HTR4: variants seen among roughly 807,000 people sequenced by gnomAD.
HTR4 encodes the protein 5-hydroxytryptamine (serotonin) receptor 4, G protein-coupled.
HTR4 carries 16 observed loss-of-function variants against 36.8 expected under a neutral mutation model. The ratio of observed to expected loss-of-function variants is 0.43; its 90% CI spans 0.29 to 0.66. The LOEUF is 0.66. Among genes scored for constraint, HTR4 ranks in the 30% least tolerant of loss-of-function variants. The probability of loss-of-function intolerance (pLI) is 0.13; values close to 1 mark genes in which losing one functional copy is unlikely to be tolerated. For synonymous variants in HTR4, 189 were observed against 185.1 expected (o/e 1.02, Z -0.17); for missense variants, 438 against 490.9 (o/e 0.89, Z 1.02).
rs576779079 is a variant in HTR4, at chr5:148,601,036, T to G, written c.26+35953A>C. Among the ~76,000 whole-genome samples the G allele has an allele frequency of 2.4e-5, 3 of 126,076 alleles. No individual in the cohort carries two copies. The South Asian group carries it at 7.5e-4, about 32-fold the overall frequency. The allele number at this position is 126,076 out of a possible 152,430, so 82.7% of individuals were successfully genotyped here. On this transcript the variant is annotated intron_variant, in intron 2 of 6. Transcript: ENST00000377888. Reference sequence around the variant, plus strand: ...TGCAATTAAACATTGGCTAAAGGATTTAAAGAGACATTTTTCCAAAGAAGA... The same window carrying G: ...TGCAATTAAACATTGGCTAAAGGATGTAAAGAGACATTTTTCCAAAGAAGA...
chr5:148,649,410 G>A (rs1171472618), intron 1 of HTR4, among the ~76,000 whole-genome samples: 1 of 152,142 alleles, frequency 6.6e-6, no homozygotes, highest in Non-Finnish European at 1.5e-5. Context: ...TTAAATTTCT[G>A]TTGGGTTTCT....
chr5:148,610,627 C>A (rs1374724292), intron 2 of HTR4, among the ~76,000 whole-genome samples: 2 of 151,710 alleles, frequency 1.3e-5, no homozygotes, highest in Non-Finnish European at 2.9e-5. Context: ...TGCCTCTCCT[C>A]CTCCAAAGGA....
intron 2 of HTR4, among the ~76,000 whole-genome samples, chr5:148,633,142 C>A (rs1050179618): frequency 3.3e-5 from 5 of 152,090 alleles, no homozygotes; most frequent in Non-Finnish European, 7.4e-5. Context: ...CACTATTTAC[C>A]AAGGGACAGG....
At chr5:148,496,375 C>A (rs1034998351) in intron 6 of HTR4, among the ~76,000 whole-genome samples, 2 of 151,886 alleles carry the variant, frequency 1.3e-5, no homozygotes, top group African/African-American at 2.4e-5. Context: ...GATGGAAAAA[C>A]GATCAAGAAA....
intron 4 of HTR4, among the ~76,000 whole-genome samples, chr5:148,529,110 C>T (rs1758429869): frequency 6.6e-6 from 1 of 151,948 alleles, no homozygotes; most frequent in African/African-American, 2.4e-5. Flanking sequence ...ACTGAGCTGG[C>T]ATCTAGCCCA....
At chr5:148,626,432 C>T (rs774194420) in intron 2 of HTR4, among the ~76,000 whole-genome samples, 8 of 152,204 alleles carry the variant, frequency 5.3e-5, no homozygotes, top group Non-Finnish European at 1.0e-4. Flanking sequence ...ACATTTCTTA[C>T]ATCATAACCC....
intron 2 of HTR4, among the ~76,000 whole-genome samples, chr5:148,565,920 A>G (rs1405746709): frequency 1.3e-5 from 2 of 152,186 alleles, no homozygotes; most frequent in Non-Finnish European, 2.9e-5. Flanking sequence ...GGCAAATCTA[A>G]GAACTGTATT....
intron 5 of HTR4, among the ~76,000 whole-genome samples, chr5:148,511,619 T>G (rs112120443): frequency 0.012 from 1,680 of 139,352 alleles, 41 homozygotes; most frequent in African/African-American, 0.042. Flanking sequence ...TTGTGGAAGT[T>G]TGTGTGTGTG....
chr5:148,653,306 C>A (rs768564727), intron 1 of HTR4, among the ~76,000 whole-genome samples: 1 of 152,188 alleles, frequency 6.6e-6, no homozygotes, highest in African/African-American at 2.4e-5. Context: ...TAACATTGAA[C>A]TCTAGGAAGA....
chr5:148,523,016 G>T (rs1265336762), intron 5 of HTR4, among the ~76,000 whole-genome samples, 177 bp downstream of exon 5: 2 of 152,046 alleles, frequency 1.3e-5, no homozygotes, highest in African/African-American at 4.8e-5. Flanking sequence ...CTAAAGTTGG[G>T]TTAAGGAGAG....
intron 4 of HTR4, among the ~76,000 whole-genome samples, chr5:148,545,912 G>A (rs868735265): frequency 1.1e-4 from 16 of 152,208 alleles, no homozygotes; most frequent in East Asian, 5.8e-4. Flanking sequence ...TCTTGTGAGC[G>A]ACAAGTGGAT....
intron 2 of HTR4, among the ~76,000 whole-genome samples, chr5:148,618,669 A>G (rs1489943197): frequency 6.6e-6 from 1 of 152,178 alleles, no homozygotes; most frequent in Non-Finnish European, 1.5e-5. Context: ...AACCTTGCAC[A>G]CACCTTTAAC....
At chr5:148,618,376 T>C (rs905917167) in intron 2 of HTR4, among the ~76,000 whole-genome samples, 3 of 152,246 alleles carry the variant, frequency 2.0e-5, no homozygotes, top group Non-Finnish European at 1.5e-5. Context: ...TGATCCATTC[T>C]ACACTCTTCT....
At chr5:148,514,998 T>C (rs1354685447) in intron 5 of HTR4, among the ~76,000 whole-genome samples, 5 of 152,138 alleles carry the variant, frequency 3.3e-5, no homozygotes, top group Non-Finnish European at 7.4e-5. Context: ...TCTTTTAGCA[T>C]CTATTCTTTA....
intron 1 of HTR4, among the ~76,000 whole-genome samples, chr5:148,640,479 C>T (rs751045880): frequency 6.6e-5 from 10 of 152,168 alleles, no homozygotes; most frequent in Non-Finnish European, 1.2e-4. Flanking sequence ...CAGTTTGAAG[C>T]TGCTAGTGGC....
At chr5:148,457,382 C>A (rs1002437739) in intron 5 of HTR4, among the ~76,000 whole-genome samples, 1 of 151,980 alleles carries the variant, frequency 6.6e-6, no homozygotes, top group Non-Finnish European at 1.5e-5. Context: ...ATGACGGGAG[C>A]CACATTAGAT....
chr5:148,511,164 T>C (rs1012794651), intron 5 of HTR4, among the ~76,000 whole-genome samples: 19 of 152,212 alleles, frequency 1.2e-4, no homozygotes, highest in African/African-American at 4.3e-4. Context: ...TCCATCCTTC[T>C]TCTTTTTTCG....
At chr5:148,494,097 A>G (rs2113740719) in intron 6 of HTR4, among the ~76,000 whole-genome samples, 1 of 152,352 alleles carries the variant, frequency 6.6e-6, no homozygotes, top group East Asian at 1.9e-4. Context: ...TGAAGTCAAA[A>G]TTTAACAAGT....
Position 148,481,753 on chromosome 5 carries a change from T to C in HTR4, c.*1450A>G. ...CCAAGATCAAAGTCAGAATCTCACA[T>C]GGCTCTGGGTTTGGCATTTACCTTC... is the stretch of plus-strand genomic sequence containing the variant. On this transcript the variant is annotated 3_prime_UTR_variant, in exon 7 of 7. Coordinates refer to ENST00000377888, the MANE Select transcript of HTR4 (RefSeq NM_000870.7). 1.4e-6 allele frequency: 2 copies of C among 1,422,156 alleles called. No individual in the cohort carries two copies. Among genetic ancestry groups the C allele is most frequent in the South Asian group, 3.3e-5 (2 of 60,800 alleles). 88.1% of individuals were successfully genotyped at this position (1,422,156 alleles called of 1,614,324 possible).
Sources: allele counts gnomAD v4.1 joint callset (sites outside exome capture counted in the v4.1 genomes callset), GRCh38; gene constraint gnomAD v4.1.1; transcripts MANE v1.5; gene names NCBI Gene and HGNC (gene_info 2026-07-23, HGNC 2026-07-21).